Variants in EYS observed in about 807,000 individuals in gnomAD.
EYS encodes the protein protein eyes shut homolog.
EYS carries 250 observed loss-of-function variants against 282.1 expected under a neutral mutation model. That is an observed-to-expected ratio of 0.89 (90% CI 0.80 to 0.98). The LOEUF is 0.98. EYS is among the 50% of genes least tolerant of loss of function. The pLI is 0.00. For synonymous variants in EYS, 1,355 were observed against 1,282.9 expected (o/e 1.06, Z -1.20); for missense variants, 4,016 against 3,709.0 (o/e 1.08, Z -2.15).
intron 33 of EYS, among the ~76,000 whole-genome samples, chr6:64,003,172 C>A (rs554188399): frequency 6.6e-6 from 1 of 152,096 alleles, no homozygotes; most frequent in East Asian, 1.9e-4. Context: ...ATGGATGGAA[C>A]TGGAGGTCAT....
At chr6:63,885,028 T>C (rs1773229063) in intron 35 of EYS, among the ~76,000 whole-genome samples, 1 of 152,316 alleles carries the variant, frequency 6.6e-6, no homozygotes, top group East Asian at 1.9e-4. Flanking sequence ...CATTTGCATC[T>C]CATGCTAAAT....
chr6:65,400,896 A>C (rs13219182), intron 7 of EYS, among the ~76,000 whole-genome samples: 5,029 of 151,956 alleles, frequency 0.033, 112 homozygotes, highest in South Asian at 0.061. Flanking sequence ...GGTATAAGAC[A>C]ATTTCCCTCA....
intron 12 of EYS, among the ~76,000 whole-genome samples, chr6:65,244,769 G>A (rs1767140038): frequency 6.6e-6 from 1 of 151,354 alleles, no homozygotes; most frequent in Non-Finnish European, 1.5e-5. Flanking sequence ...TGATCCGCCC[G>A]CCTCGGCCTT....
At chr6:65,287,926 G>A (rs1433884708) in intron 12 of EYS, among the ~76,000 whole-genome samples, 3 of 151,016 alleles carry the variant, frequency 2.0e-5, no homozygotes, top group Admixed American at 6.6e-5. Context: ...GGTTAGATTA[G>A]CCTTCGGTAC....
intron 30 of EYS, among the ~76,000 whole-genome samples, chr6:64,282,008 C>T (rs933465316): frequency 1.3e-5 from 2 of 152,098 alleles, no homozygotes; most frequent in African/African-American, 4.8e-5. Context: ...TGAGAGAATG[C>T]ATTGACTGTG....
At chr6:64,675,170 T>C (rs992698551) in intron 22 of EYS, among the ~76,000 whole-genome samples, 3 of 152,120 alleles carry the variant, frequency 2.0e-5, no homozygotes, top group Non-Finnish European at 4.4e-5. Context: ...TAAATTTTAG[T>C]CAGATTCCAA....
rs1157150161 is a variant in EYS, at chr6:64,406,851, TGG to T, written c.5928-18013_5928-18012del. 2.0e-5 allele frequency among the ~76,000 whole-genome samples: 3 copies of T among 152,198 alleles called. No individual in the cohort carries two copies. In the East Asian group the frequency reaches 5.8e-4, roughly 29 times the overall value. ...AGAAATAGGAATGCTTTTACACTGTTGGTAGGAGTATAAATTAGTTCAACCAT... is the reference window on the plus strand; with the variant it reads ...AGAAATAGGAATGCTTTTACACTGTTTAGGAGTATAAATTAGTTCAACCAT... On this transcript the variant is annotated intron_variant, in intron 28 of 42. Transcript: ENST00000503581.
In EYS at chr6:64,470,695, T is replaced by C. The variant is rs554501158; in HGVS notation, c.5645-31343A>G. On this transcript the variant is annotated intron_variant, in intron 26 of 42. Coordinates refer to ENST00000503581, the MANE Select transcript of EYS (RefSeq NM_001142800.2). Reference sequence around the variant, plus strand: ...CCAAGGCTGCATATGGCCCATGGGCTGCAAGTTGGACAAACTTGGACTAGC... The same window carrying C: ...CCAAGGCTGCATATGGCCCATGGGCCGCAAGTTGGACAAACTTGGACTAGC... Among the ~76,000 whole-genome samples the C allele has an allele frequency of 1.3e-4, 20 of 152,300 alleles. No individual in the cohort carries two copies. In the South Asian group the frequency reaches 4.1e-3, roughly 32 times the overall value.
At chr6:63,893,698 G>T (rs1479392103) in intron 35 of EYS, among the ~76,000 whole-genome samples, 1 of 152,124 alleles carries the variant, frequency 6.6e-6, no homozygotes, top group Non-Finnish European at 1.5e-5. Context: ...TTCTGCACAT[G>T]TATCCCAGAA....
rs79028147 is a variant in EYS at position 65,453,905 on chromosome 6, G to A, written c.862+36689C>T. Among the ~76,000 whole-genome samples the A allele has an allele frequency of 9.4e-3, 1,431 of 151,736 alleles. 47 individuals carry two copies. Among genetic ancestry groups the A allele is most frequent in the Admixed American group, 0.056 (850 of 15,192 alleles). On this transcript the variant is annotated intron_variant, in intron 5 of 42. Transcript: ENST00000503581. The stretch of plus-strand genomic sequence containing the variant: ...TAGTATTCCACTGAGTATAAACACC[G>A]TATTTTCTTCATCCATTCGTCCCTT...
chr6:64,925,598 A>G (rs1480157617), intron 15 of EYS, among the ~76,000 whole-genome samples: 1 of 152,160 alleles, frequency 6.6e-6, no homozygotes, highest in African/African-American at 2.4e-5. Context: ...TGGGCTATGA[A>G]GTAGATCTTA....
chr6:64,089,681 T>C (rs555688547), intron 31 of EYS, among the ~76,000 whole-genome samples: 1 of 152,140 alleles, frequency 6.6e-6, no homozygotes, highest in Admixed American at 6.5e-5. Context: ...TTTCTATTAA[T>C]CCATAAACAC....
chr6:65,070,514 T>C (rs893249495), intron 12 of EYS, among the ~76,000 whole-genome samples: 2 of 151,854 alleles, frequency 1.3e-5, no homozygotes, highest in African/African-American at 2.4e-5. Flanking sequence ...ATCTAGAGTT[T>C]TGTAATTTTA....
intron 14 of EYS, among the ~76,000 whole-genome samples, chr6:64,978,200 G>C (rs958914966): frequency 2.0e-5 from 3 of 151,922 alleles, no homozygotes; most frequent in Non-Finnish European, 4.4e-5. Context: ...TGACACTCTG[G>C]TTAGGGGATG....
At chr6:65,666,610 A>G (rs1465067299) in intron 1 of EYS, among the ~76,000 whole-genome samples, 1 of 151,728 alleles carries the variant, frequency 6.6e-6, no homozygotes, top group Non-Finnish European at 1.5e-5. Flanking sequence ...AATAGTACAC[A>G]CTTCATTGTG....
intron 12 of EYS, among the ~76,000 whole-genome samples, chr6:65,211,780 A>G (rs557378348): frequency 6.8e-4 from 104 of 152,052 alleles, no homozygotes; most frequent in Non-Finnish European, 1.2e-3. Flanking sequence ...TAGGATTATT[A>G]TTTTTGTGTG....
intron 35 of EYS, among the ~76,000 whole-genome samples, chr6:63,885,519 A>G (rs1191437511): frequency 2.0e-5 from 3 of 152,176 alleles, no homozygotes; most frequent in African/African-American, 4.8e-5. Flanking sequence ...ATATTTATGA[A>G]GTTCTGATGT....
At chr6:64,970,478 G>A (rs75732244) in intron 14 of EYS, among the ~76,000 whole-genome samples, 174 of 152,196 alleles carry the variant, frequency 1.1e-3, no homozygotes, top group Middle Eastern at 6.8e-3. Flanking sequence ...AATTACAGGC[G>A]TGAACCACTG....
chr6:65,220,258 A>T (rs1457347138), intron 12 of EYS, among the ~76,000 whole-genome samples: 1 of 152,152 alleles, frequency 6.6e-6, no homozygotes, highest in Non-Finnish European at 1.5e-5. Context: ...TTGGAAAAAA[A>T]AATTCACTCT....
Sources: allele counts gnomAD v4.1 joint callset (sites outside exome capture counted in the v4.1 genomes callset), GRCh38; gene constraint gnomAD v4.1.1; transcripts MANE v1.5; gene names NCBI Gene and HGNC (gene_info 2026-07-23, HGNC 2026-07-21).